Variants in ALKAL2 observed in about 807,000 individuals in gnomAD.
ALKAL2 encodes ALK and LTK ligand 2.
Under a neutral mutation model 18.5 loss-of-function variants are expected in ALKAL2, and 8 were observed. That is an observed-to-expected ratio of 0.43 (90% CI 0.25 to 0.78). The LOEUF (loss-of-function observed/expected upper bound fraction) is 0.78. Ranked by LOEUF, ALKAL2 falls within the 30% of genes least tolerant of loss-of-function variation. The pLI is 0.22. For missense variants in ALKAL2, 241 were observed against 211.2 expected (o/e 1.14, Z -0.88); for synonymous variants, 135 against 95.8 (o/e 1.41, Z -2.39).
chr2:283,217 A>T, intron 4 of ALKAL2, 42 bp from the exon 5 acceptor site: 1 of 1,510,914 alleles, frequency 6.6e-7, no homozygotes, highest in South Asian at 1.2e-5. Context: ...TTACTTAAAA[A>T]ACAAATAAAT....
At chr2:282,595 G>A (rs1287886558) in intron 5 of ALKAL2, among the ~76,000 whole-genome samples, 5 of 152,030 alleles carry the variant, frequency 3.3e-5, no homozygotes, top group African/African-American at 7.3e-5. Flanking sequence ...GTTCATAAAC[G>A]TGGTATGCAT....
At chr2:285,897 G>A (rs1046709523) in intron 4 of ALKAL2, 4 of 506,000 alleles carry the variant, frequency 7.9e-6, no homozygotes, top group African/African-American at 7.7e-5. Context: ...CATCCCAAGA[G>A]CCTATTATTC....
chr2:282,314 C>T (rs186217444), intron 5 of ALKAL2, among the ~76,000 whole-genome samples: 2 of 152,230 alleles, frequency 1.3e-5, no homozygotes, highest in Admixed American at 6.5e-5. Context: ...TAAAAATACT[C>T]CCTTTTCATG....
intron 2 of ALKAL2, chr2:287,378 G>T: frequency 2.4e-6 from 1 of 414,914 alleles, no homozygotes; most frequent in Non-Finnish European, 4.1e-6. Context: ...GCTCACGCGC[G>T]CCAGAAGGAG....
rs756539927 is a variant in ALKAL2, at chr2:287,595, C to G, written c.241G>C (p.Glu81Gln). ...AEAAGLGPSP[E>Q]QRVEIVPRDL... ...CGGCCCCACTCACCCACTCGCTGCT[C>G]CGGCGAAGGCCCCAGCCCCGCCGCC... is the stretch of plus-strand genomic sequence containing the variant. Residue 81 changes from glutamate to glutamine, a missense_variant, in exon 2 of 6, where the codon GAG (glutamate) becomes CAG (glutamine). Glu to Gln is a conservative substitution (Grantham distance 29). Transcript: ENST00000403610. The G allele has an allele frequency of 1.2e-5, 18 of 1,463,080 alleles. 1 individual carries two copies. Among genetic ancestry groups the G allele is most frequent in the Middle Eastern group, 3.5e-4 (2 of 5,758 alleles). The allele number at this position is 1,463,080 out of a possible 1,614,324, so 90.6% of individuals were successfully genotyped here. A position where few individuals can be genotyped will look rare whatever the true frequency, so the allele number is the denominator to read the frequency against.
rs553032676 is a variant in ALKAL2, at chr2:285,804, C to G, written c.388+319G>C. The G allele has an allele frequency of 8.4e-4, 203 of 242,078 alleles. 2 individuals are homozygous for G. The highest frequency in any genetic ancestry group is 3.0e-3 in the Middle Eastern group (2 of 664). The allele number at this position is 242,078 out of a possible 1,614,324, so 15.0% of individuals were successfully genotyped here. ...CTTGGAGTCAGTTTAGCAACTCATT[C>G]TTAACATCTGACTGCCATAGTAGAG... On this transcript the variant is annotated intron_variant, in intron 4 of 5. Transcript: ENST00000403610.
rs891426998 is a variant in ALKAL2 at position 287,647 on chromosome 2, C to T, written c.189G>A (p.Gly63=). Residue 63 remains glycine (G), a synonymous_variant, in exon 2 of 6, where the codon GGG becomes GGA. Coordinates refer to ENST00000403610, the MANE Select transcript of ALKAL2 (RefSeq NM_001002919.3). ...CCGCGCGGCCCAGGGCGCAGTCCCGCCCGAGGAGCTGCAGGCCCTTGTGCT... is the reference window on the plus strand; with the variant it reads ...CCGCGCGGCCCAGGGCGCAGTCCCGTCCGAGGAGCTGCAGGCCCTTGTGCT... The part of the protein sequence containing the change: ...SAEHKGLQLL[G]RDCALGRAEA... 21 of 1,481,952 alleles carry T rather than the reference C, an allele frequency of 1.4e-5. No individual in the cohort carries two copies. Among genetic ancestry groups the T allele is most frequent in the Admixed American group, 2.3e-5 (1 of 43,082 alleles). 91.8% of individuals were successfully genotyped at this position (1,481,952 alleles called of 1,614,324 possible). A position where few individuals can be genotyped will look rare whatever the true frequency, so the allele number is the denominator to read the frequency against.
rs774853814 is a variant in ALKAL2 at position 279,969 on chromosome 2, C to T, written c.*178G>A. 4.8e-5 allele frequency: 32 copies of T among 660,536 alleles called. No homozygotes were observed. Among genetic ancestry groups the T allele is most frequent in the Non-Finnish European group, 7.7e-5 (28 of 365,822 alleles). 40.9% of individuals were successfully genotyped at this position (660,536 alleles called of 1,614,324 possible). A position where few individuals can be genotyped will look rare whatever the true frequency, so the allele number is the denominator to read the frequency against. On this transcript the variant is annotated 3_prime_UTR_variant, in exon 6 of 6. Coordinates refer to ENST00000403610, the MANE Select transcript of ALKAL2 (RefSeq NM_001002919.3). ...AACACTGTCAAGTACACTGATTTATCGAATATATATCTGCAAACTGTCAAC... is the reference window on the plus strand; with the variant it reads ...AACACTGTCAAGTACACTGATTTATTGAATATATATCTGCAAACTGTCAAC...
intron 5 of ALKAL2, among the ~76,000 whole-genome samples, chr2:282,594 C>T (rs1020318642): frequency 2.0e-5 from 3 of 151,676 alleles, no homozygotes; most frequent in Non-Finnish European, 2.9e-5. Flanking sequence ...AGTTCATAAA[C>T]GTGGTATGCA....
In ALKAL2 at chr2:280,008, CAAAG is replaced by C; in HGVS notation, c.*135_*138del. On this transcript the variant is annotated 3_prime_UTR_variant, in exon 6 of 6. Transcript: ENST00000403610. ...CAAACTGTCAACAACATACAAAACT[CAAAG>C]GACTTATGGAAGAGTCTGTCTGCAA... 1.1e-6 allele frequency: 1 copy of C among 930,462 alleles called. No individual in the cohort carries two copies. Among genetic ancestry groups the C allele is most frequent in the South Asian group, 1.4e-5 (1 of 72,106 alleles). The allele number at this position is 930,462 out of a possible 1,614,324, so 57.6% of individuals were successfully genotyped here.
chr2:283,604 G>T, intron 4 of ALKAL2: 5 of 985,436 alleles, frequency 5.1e-6, no homozygotes, highest in Non-Finnish European at 6.0e-6. Flanking sequence ...TCTAAAGAAA[G>T]TGGGTCAAAA....
intron 4 of ALKAL2, among the ~76,000 whole-genome samples, chr2:284,274 G>C (rs919473822): frequency 6.6e-6 from 1 of 152,172 alleles, no homozygotes; most frequent in South Asian, 2.1e-4. Flanking sequence ...AAACCTTCAT[G>C]TGCAGACCAA....
intron 2 of ALKAL2, chr2:287,016 C>CATCT (rs1670532840): frequency 6.6e-6 from 1 of 152,276 alleles, no homozygotes; most frequent in Admixed American, 6.5e-5. Flanking sequence ...CAGCCCTCTC[C>CATCT]ATCTTCACTC....
Position 279,786 on chromosome 2 carries a change from T to G in ALKAL2, c.*361A>C, listed in dbSNP as rs1016589658. ...AAGTAATACAGAATATCAAATTATG[T>G]TATATGAAAATATACTTTAAGATTC... On this transcript the variant is annotated 3_prime_UTR_variant, in exon 6 of 6. Coordinates refer to ENST00000403610, the MANE Select transcript of ALKAL2 (RefSeq NM_001002919.3). 2 of 222,130 alleles carry G rather than the reference T, an allele frequency of 9.0e-6. No individual in the cohort carries two copies. Among genetic ancestry groups the G allele is most frequent in the Admixed American group, 1.1e-4 (2 of 18,994 alleles). 13.8% of individuals were successfully genotyped at this position (222,130 alleles called of 1,614,324 possible).
At chr2:281,788 A>G (rs1179179623) in intron 5 of ALKAL2, among the ~76,000 whole-genome samples, 1 of 150,974 alleles carries the variant, frequency 6.6e-6, no homozygotes, top group East Asian at 1.9e-4. Flanking sequence ...ATAAAGAAAT[A>G]CCTAAAAAAA....
rs186217444 is a variant in ALKAL2, at chr2:282,314, C to A, written c.453+797G>T. Among the ~76,000 whole-genome samples, 6 of 152,348 alleles carry A rather than the reference C, an allele frequency of 3.9e-5. No individual in the cohort carries two copies. The East Asian group carries it at 7.7e-4, about 20-fold the overall frequency. ...CTAGAGTAACCACTATAAAAATACTCCCTTTTCATGAATGTGCTCCGGACA... is the reference window on the plus strand; with the variant it reads ...CTAGAGTAACCACTATAAAAATACTACCTTTTCATGAATGTGCTCCGGACA... On this transcript the variant is annotated intron_variant, in intron 5 of 5. Coordinates refer to ENST00000403610, the MANE Select transcript of ALKAL2 (RefSeq NM_001002919.3).
chr2:285,342 G>A (rs1459968228), intron 4 of ALKAL2, among the ~76,000 whole-genome samples: 3 of 152,298 alleles, frequency 2.0e-5, no homozygotes, highest in Admixed American at 6.5e-5. Context: ...AGTCCGGAAC[G>A]CTGCCTGGTC....
intron 4 of ALKAL2, 73 bp from the exon 5 acceptor site, chr2:283,248 T>A: frequency 6.5e-7 from 1 of 1,550,044 alleles, no homozygotes; most frequent in Non-Finnish European, 8.7e-7. Flanking sequence ...TGCAAGTATA[T>A]CAGCTACTAA....
intron 2 of ALKAL2, chr2:287,074 C>T (rs928324529): frequency 6.6e-6 from 1 of 152,486 alleles, no homozygotes; most frequent in Non-Finnish European, 1.5e-5. Flanking sequence ...TGAAGTCACG[C>T]CCTCTGAAGA....
Sources: gnomAD v4.1 joint callset for allele counts (sites outside exome capture counted in the v4.1 genomes callset) on GRCh38, gnomAD v4.1.1 for gene constraint, MANE v1.5 for transcripts, NCBI Gene and HGNC (gene_info 2026-07-23, HGNC 2026-07-21) for gene names.